The following MATN3 variants were observed in gnomAD, a reference collection of about 807,000 sequenced individuals.
The protein encoded by MATN3 is matrilin-3.
In MATN3, 48 loss-of-function variants were observed where a neutral mutation model predicts 45.3. The ratio of observed to expected loss-of-function variants is 1.06; its 90% CI spans 0.84 to 1.35. The LOEUF (loss-of-function observed/expected upper bound fraction) is 1.35, where lower values mean the gene tolerates loss of function less well. MATN3 is among the 40% of genes most tolerant of loss of function. The pLI is 0.00. For synonymous variants in MATN3, 217 were observed against 245.9 expected (o/e 0.88, Z 1.10); for missense variants, 599 against 628.0 (o/e 0.95, Z 0.49).
chr2:20,008,299 C>A (rs1159795543), intron 1 of MATN3, among the ~76,000 whole-genome samples: 1 of 152,108 alleles, frequency 6.6e-6, no homozygotes, highest in Non-Finnish European at 1.5e-5. Context: ...CCTTCTCACC[C>A]AACACACGCA....
chr2:20,006,943 C>T (rs1673118274), intron 1 of MATN3, among the ~76,000 whole-genome samples: 1 of 152,210 alleles, frequency 6.6e-6, no homozygotes, highest in Admixed American at 6.5e-5. Flanking sequence ...TAGAGCCAGG[C>T]GTGGTGGCTC....
rs1478429193 is a variant in MATN3, at chr2:20,006,050, A to G, written c.484T>C (p.Ser162Pro). ...RITPLSTGTM[S>P]GLAIQTAMDE... is the part of the protein sequence containing the mutation. ...ATTGCTGTCTGGATGGCTAGGCCTG[A>G]CATGGTGCCTGTTGACAAGGGTGTG... Residue 162 changes from serine (S) to proline (P), a missense_variant, in exon 2 of 8, where the codon TCA becomes CCA. By Grantham distance (74) the Ser-to-Pro change is moderately conservative. Transcript: ENST00000407540. The G allele has an allele frequency of 6.2e-7, 1 of 1,613,966 alleles. No individual in the cohort carries two copies.
At position 20,006,144 on chromosome 2, in the gene MATN3, A is replaced by G; in HGVS notation, c.390T>C (p.Thr130=). The change falls in exon 2 of 8, where the codon ACT becomes ACC. Residue 130 remains threonine (T), a synonymous_variant. Coordinates refer to ENST00000407540, the MANE Select transcript of MATN3 (RefSeq NM_002381.5). ...TRVAVVNYAS[T]VKIEFQLQAY... ...CCTGGAGTTGGAACTCGATCTTCAC[A>G]GTGCTAGCATAGTTCACCACTGCCA... 1 of 1,613,986 alleles carries G rather than the reference A, an allele frequency of 6.2e-7. No homozygotes were observed. Among genetic ancestry groups the G allele is most frequent in the Non-Finnish European group, 8.5e-7 (1 of 1,179,882 alleles).
rs1031771923 is a variant in MATN3, at chr2:20,005,674, CTT to C, written c.790+68_790+69del. 1.6e-5 allele frequency: 20 copies of C among 1,256,124 alleles called. No homozygotes were observed. In the African/African-American group the frequency reaches 2.9e-4, roughly 18 times the overall value. 77.8% of individuals were successfully genotyped at this position (1,256,124 alleles called of 1,614,324 possible). ...ATTTCCACCAAAAAAGAATAATACT[CTT>C]TTCTCTGGGTACACAATGTCTGAAT... On this transcript the variant is annotated intron_variant, in intron 2 of 7. Coordinates refer to ENST00000407540, the MANE Select transcript of MATN3 (RefSeq NM_002381.5).
In MATN3 at chr2:20,012,602, G is replaced by A. The variant is rs960038923; in HGVS notation, c.30C>T (p.Leu10=). Residue 10 remains leucine (L), a synonymous_variant, in exon 1 of 8, where the codon CTC becomes CTT. Transcript: ENST00000407540. This position sits in a 1 kb window ranked among gnomAD's most constrained non-coding sequence, Gnocchi z 4.3. MPRPAPARR[L]PGLLLLLWPL... ...GCCAGAGCAGCAGGAGGAGTCCCGG[G>A]AGGCGGCGCGCGGGGGCCGGGCGCG... 3.7e-5 allele frequency: 45 copies of A among 1,221,696 alleles called. No homozygotes were observed. The highest frequency in any genetic ancestry group is 4.2e-5 in the Non-Finnish European group (41 of 982,020). The allele number at this position is 1,221,696 out of a possible 1,614,324, so 75.7% of individuals were successfully genotyped here.
At chr2:20,009,939 C>A (rs1250717215) in intron 1 of MATN3, among the ~76,000 whole-genome samples, 1 of 151,806 alleles carries the variant, frequency 6.6e-6, no homozygotes, top group Non-Finnish European at 1.5e-5. Context: ...ATGTCTCATA[C>A]CTCCTTAAAT....
chr2:20,000,495 G>C lies in MATN3; in HGVS notation c.1114C>G (p.His372Asp), dbSNP rs747623605. Reference protein sequence around the residue: ...ICVNDRTGSHHCECYEGYTLN... With the variant: ...ICVNDRTGSHDCECYEGYTLN... ...GTGTAGCCCTCATAGCATTCACAAT[G>C]ATGGGACCCTGTTCTGTCATTCACA... Residue 372 changes from histidine (H) to aspartate (D), a missense_variant, in exon 5 of 8, where the codon CAT (histidine) becomes GAT (aspartate). Coordinates refer to ENST00000407540, the MANE Select transcript of MATN3 (RefSeq NM_002381.5). 1.9e-5 allele frequency: 30 copies of C among 1,612,592 alleles called. No individual in the cohort carries two copies. In the South Asian group the frequency reaches 2.6e-4, roughly 14 times the overall value.
rs976897423 is a variant in MATN3 at position 19,994,333 on chromosome 2, C to G, written c.1371G>C (p.Lys457Asn). Residue 457 changes from lysine to asparagine, a missense_variant, in exon 7 of 8, where the codon AAG becomes AAC. Physicochemically the swap from Lys to Asn is moderately conservative, Grantham distance 94 (BLOSUM62 0). Coordinates refer to ENST00000407540, the MANE Select transcript of MATN3 (RefSeq NM_002381.5). The part of the protein sequence containing the change: ...GCEATLAFQD[K>N]VSSYLQRLNT... The stretch of plus-strand genomic sequence containing the variant: ...TCAGTCTTTGAAGATACGAGCTGAC[C>G]TTGTCCTGGAATGCCAGTGTAGCTT... 7 of 1,613,412 alleles carry G rather than the reference C, an allele frequency of 4.3e-6. No homozygotes were observed. The African/African-American group carries it at 9.3e-5, about 22-fold the overall frequency.
intron 5 of MATN3, among the ~76,000 whole-genome samples, chr2:19,998,278 T>C (rs1456264021): frequency 6.6e-6 from 1 of 152,120 alleles, no homozygotes; most frequent in African/African-American, 2.4e-5. Context: ...TTCCCCCTCA[T>C]TCCAGGTTAG....
Position 19,994,364 on chromosome 2 carries a change from C to A in MATN3, c.1340G>T (p.Gly447Val). ...CTGGAATGCCAGTGTAGCTTCACAT[C>A]CACAAGCATCTTCAGTGGAAACAAG... is the stretch of plus-strand genomic sequence containing the variant. ...RRLVSTEDAC[G>V]CEATLAFQDK... is the part of the protein sequence containing the mutation. Residue 447 changes from glycine to valine, a missense_variant, in exon 7 of 8, where the codon GGA becomes GTA. Physicochemically the swap from Gly to Val is moderately radical, Grantham distance 109 (BLOSUM62 -3). Transcript: ENST00000407540. 1.2e-6 allele frequency: 2 copies of A among 1,613,564 alleles called. No homozygotes were observed. Among genetic ancestry groups the A allele is most frequent in the African/African-American group, 1.3e-5 (1 of 75,038 alleles).
At chr2:20,001,728 C>G (rs1672987237) in intron 4 of MATN3, among the ~76,000 whole-genome samples, 1 of 152,148 alleles carries the variant, frequency 6.6e-6, no homozygotes, top group Non-Finnish European at 1.5e-5. Context: ...AAGGATTGTT[C>G]AGGCTGGCTA....
chr2:20,006,204 G>C lies in MATN3; in HGVS notation c.330C>G (p.Ile110Met). The change falls in exon 2 of 8, where the codon ATC becomes ATG. Residue 110 changes from isoleucine (I) to methionine (M), a missense_variant. Coordinates refer to ENST00000407540, the MANE Select transcript of MATN3 (RefSeq NM_002381.5). ...TKVKTFVSRI[I>M]DTLDIGPADT... ...CGGCTGGCCCAATGTCCAGAGTGTC[G>C]ATTATCCGGGAGACAAAAGTTTTCA... 1 of 1,613,588 alleles carries C rather than the reference G, an allele frequency of 6.2e-7. No homozygotes were observed. The highest frequency in any genetic ancestry group is 8.5e-7 in the Non-Finnish European group (1 of 1,179,764).
rs1247085339 is a variant in MATN3 at position 20,010,064 on chromosome 2, T to TCCAAAAAA, written c.223+2344_223+2345insTTTTTTGG. 3.7e-3 allele frequency among the ~76,000 whole-genome samples: 40 copies of TCCAAAAAA among 10,744 alleles called. 2 individuals carry two copies. Among genetic ancestry groups the TCCAAAAAA allele is most frequent in the South Asian group, 0.01 (2 of 196 alleles). 7.0% of individuals were successfully genotyped at this position (10,744 alleles called of 152,430 possible). A position where few individuals can be genotyped will look rare whatever the true frequency, so the allele number is the denominator to read the frequency against. On this transcript the variant is annotated intron_variant, in intron 1 of 7. Transcript: ENST00000407540. ...TTGTCTCAGAATAAATCTCTTCAAA[T>TCCAAAAAA]ACTAAAAAAAAAAAAAAAAAAAAAA...
intron 1 of MATN3, among the ~76,000 whole-genome samples, chr2:20,009,989 T>G (rs1172055472): frequency 6.8e-6 from 1 of 146,024 alleles, no homozygotes; most frequent in African/African-American, 2.5e-5. Context: ...CTTGAGCACA[T>G]GTACTCAGGA....
rs1673235866 is a variant in MATN3, at chr2:20,012,424, G to T, written c.208C>A (p.Arg70Ser). The stretch of plus-strand genomic sequence containing the variant: ...CCGCCTGTACCTGCACCGCGGGCGC[G>T]GCCAGGCTCGCTGGTCCCGGAAGCG... ...APASGTSEPG[R>S]ARGAGVCKSR... Residue 70 changes from arginine to serine, a missense_variant, in exon 1 of 8, where the codon CGC (arginine) becomes AGC (serine). Transcript: ENST00000407540. The surrounding 1 kb of genome is among the most constrained non-coding windows in gnomAD (Gnocchi z 4.3). 2.4e-6 allele frequency: 3 copies of T among 1,229,408 alleles called. No individual in the cohort carries two copies. The highest frequency in any genetic ancestry group is 3.1e-4 in the Middle Eastern group (1 of 3,198). 76.2% of individuals were successfully genotyped at this position (1,229,408 alleles called of 1,614,324 possible).
At chr2:20,001,093 T>C (rs1257784281) in intron 4 of MATN3, among the ~76,000 whole-genome samples, 1 of 152,252 alleles carries the variant, frequency 6.6e-6, no homozygotes, top group Non-Finnish European at 1.5e-5. Flanking sequence ...TTTTTTACTT[T>C]TAAACTTTTC....
chr2:19,994,556 C>T, intron 6 of MATN3, 147 bp from the exon 7 acceptor site: 1 of 579,410 alleles, frequency 1.7e-6, no homozygotes, highest in Non-Finnish European at 3.0e-6. Context: ...GATGAACAAA[C>T]AAAAAGACGA....
rs1184524138 is a variant in MATN3, at chr2:20,010,066, CT to C, written c.223+2342del. Among the ~76,000 whole-genome samples the C allele has an allele frequency of 7.9e-3, 44 of 5,562 alleles. 1 individual carries two copies. The highest frequency in any genetic ancestry group is 1.7e-3 in the Non-Finnish European group (7 of 4,040). 3.6% of individuals were successfully genotyped at this position (5,562 alleles called of 152,430 possible). On this transcript the variant is annotated intron_variant, in intron 1 of 7. Coordinates refer to ENST00000407540, the MANE Select transcript of MATN3 (RefSeq NM_002381.5). ...GTCTCAGAATAAATCTCTTCAAATA[CT>C]AAAAAAAAAAAAAAAAAAAAAAACC...
rs1013979132 is a variant in MATN3, at chr2:20,001,625, A to G, written c.1042+330T>C. Among the ~76,000 whole-genome samples, 22 of 152,166 alleles carry G rather than the reference A, an allele frequency of 1.4e-4. 1 individual carries two copies. Among genetic ancestry groups the G allele is most frequent in the Admixed American group, 6.5e-5 (1 of 15,284 alleles). ...TAAGGTGATGTCTGCCAGTTTCTCC[A>G]CTATAAAGTTACTGTCTTTCCCTTT... On this transcript the variant is annotated intron_variant, in intron 4 of 7. Coordinates refer to ENST00000407540, the MANE Select transcript of MATN3 (RefSeq NM_002381.5).
Sources: allele counts gnomAD v4.1 joint callset (sites outside exome capture counted in the v4.1 genomes callset), GRCh38; gene constraint gnomAD v4.1.1; non-coding constraint Gnocchi (gnomAD v3.1); transcripts MANE v1.5; gene names NCBI Gene and HGNC (gene_info 2026-07-23, HGNC 2026-07-21).